FAM3B: variants seen among roughly 807,000 people sequenced by gnomAD.
FAM3B encodes protein FAM3B.
A neutral mutation model predicts 28.4 loss-of-function variants in FAM3B; 29 were observed. That is an observed-to-expected ratio of 1.02 (90% confidence interval 0.76 to 1.39). The LOEUF is 1.39. Among genes scored for constraint, FAM3B ranks in the 40% most tolerant of loss-of-function variants. The pLI is 0.00. For missense variants in FAM3B, 266 were observed against 293.9 expected (o/e 0.91, Z 0.69); for synonymous variants, 91 against 103.0 (o/e 0.88, Z 0.71).
intron 2 of FAM3B, among the ~76,000 whole-genome samples, chr21:41,324,621 T>G (rs2088839880): frequency 6.6e-6 from 1 of 152,252 alleles, no homozygotes; most frequent in Admixed American, 6.5e-5. Flanking sequence ...GTCCATTTAT[T>G]TATTAATTCA....
chr21:41,330,407 A>G (rs1252047577), intron 2 of FAM3B, among the ~76,000 whole-genome samples: 1 of 152,206 alleles, frequency 6.6e-6, no homozygotes, highest in Non-Finnish European at 1.5e-5. Flanking sequence ...AGGGTTCTGT[A>G]CTATTTGTGG....
At chr21:41,335,484 G>C (rs1319729544) in intron 2 of FAM3B, among the ~76,000 whole-genome samples, 1 of 152,124 alleles carries the variant, frequency 6.6e-6, no homozygotes, top group East Asian at 1.9e-4. Flanking sequence ...GTTTAAAAGT[G>C]TGTGGCGCCT....
intron 6 of FAM3B, 45 bp downstream of exon 6, chr21:41,347,145 G>C (rs990516469): frequency 1.3e-6 from 2 of 1,568,974 alleles, no homozygotes; most frequent in East Asian, 2.2e-5. Context: ...AGAGAAGCCA[G>C]CTGGGGCAGA....
intron 5 of FAM3B, chr21:41,346,022 TAA>T (rs59394089): frequency 2.2e-3 from 446 of 200,950 alleles, no homozygotes; most frequent in South Asian, 3.6e-3. Context: ...GCCTTTTTTT[TAA>T]AAAAAAAAAA....
chr21:41,340,256 C>T (rs1381778519), intron 3 of FAM3B, among the ~76,000 whole-genome samples: 5 of 151,108 alleles, frequency 3.3e-5, no homozygotes, highest in East Asian at 2.0e-4. Context: ...CAGGTTCAAG[C>T]GCTTCTCCTG....
intron 5 of FAM3B, among the ~76,000 whole-genome samples, chr21:41,346,676 GT>G (rs559775653): frequency 2.1e-4 from 31 of 149,338 alleles, no homozygotes; most frequent in Middle Eastern, 3.4e-3. Flanking sequence ...TCTAAGGAGG[GT>G]TTTTTTTTTC....
chr21:41,319,338 T>A (rs1181018606), intron 1 of FAM3B: 1 of 152,180 alleles, frequency 6.6e-6, no homozygotes, highest in Non-Finnish European at 1.5e-5. Context: ...TAGGAGAAAG[T>A]TCACTAGCTT....
intron 7 of FAM3B, among the ~76,000 whole-genome samples, chr21:41,355,254 A>G (rs2089155234): frequency 6.6e-6 from 1 of 152,230 alleles, no homozygotes; most frequent in Admixed American, 6.5e-5. Context: ...ACTTTGGGAA[A>G]CATTCTGGCA....
intron 1 of FAM3B, among the ~76,000 whole-genome samples, chr21:41,317,403 T>A (rs1380263156): frequency 6.6e-6 from 1 of 152,168 alleles, no homozygotes; most frequent in East Asian, 1.9e-4. Flanking sequence ...GACTTGACAC[T>A]GTGGACGATT....
At chr21:41,333,872 G>T (rs1350317784) in intron 2 of FAM3B, among the ~76,000 whole-genome samples, 1 of 152,170 alleles carries the variant, frequency 6.6e-6, no homozygotes, top group East Asian at 1.9e-4. Flanking sequence ...GAGATGGATG[G>T]TGAAGGCCAG....
intron 2 of FAM3B, among the ~76,000 whole-genome samples, chr21:41,324,881 C>A (rs558094669): frequency 3.0e-4 from 46 of 152,300 alleles, no homozygotes; most frequent in African/African-American, 1.1e-3. Flanking sequence ...GCGGGCACAT[C>A]ACCTGAGGTC....
At chr21:41,330,124 G>T in intron 2 of FAM3B, among the ~76,000 whole-genome samples, 2 of 105,288 alleles carry the variant, frequency 1.9e-5, no homozygotes, top group South Asian at 3.9e-4. Flanking sequence ...TCATAGTTAT[G>T]TCTGTATAGG....
At chr21:41,350,033 C>T (rs1252702930) in intron 7 of FAM3B, among the ~76,000 whole-genome samples, 1 of 152,210 alleles carries the variant, frequency 6.6e-6, no homozygotes, top group East Asian at 1.9e-4. Flanking sequence ...ATTGGTGGGG[C>T]TCCTTGGGCC....
At chr21:41,331,033 T>C (rs2088902170) in intron 2 of FAM3B, among the ~76,000 whole-genome samples, 1 of 152,212 alleles carries the variant, frequency 6.6e-6, no homozygotes, top group South Asian at 2.1e-4. Flanking sequence ...TCCATAATGG[T>C]TATACTAACC....
intron 2 of FAM3B, among the ~76,000 whole-genome samples, chr21:41,335,467 C>T (rs1026341505): frequency 1.1e-4 from 16 of 152,214 alleles, no homozygotes; most frequent in Admixed American, 3.3e-4. Context: ...TTTCATGAGA[C>T]GTGGTTGTTT....
intron 1 of FAM3B, among the ~76,000 whole-genome samples, chr21:41,310,979 G>A (rs1414215642): frequency 1.3e-5 from 2 of 151,552 alleles, no homozygotes; most frequent in East Asian, 3.9e-4. Context: ...TGTTAGTTTG[G>A]TGAGGAACCT....
intron 1 of FAM3B, among the ~76,000 whole-genome samples, chr21:41,322,397 G>A (rs897393696): frequency 2.6e-5 from 4 of 152,240 alleles, no homozygotes; most frequent in Middle Eastern, 3.4e-3. Flanking sequence ...CCAGTATTAC[G>A]GGGCCAGGCC....
At chr21:41,312,870 G>A (rs905362870), upstream of FAM3B, among the ~76,000 whole-genome samples, 8 of 152,206 alleles carry the variant, frequency 5.3e-5, no homozygotes, top group Admixed American at 1.3e-4. Flanking sequence ...AGTTTGGAAT[G>A]ACCAGAGGCC....
upstream of FAM3B, among the ~76,000 whole-genome samples, chr21:41,315,686 C>T (rs1387974191): frequency 6.6e-6 from 1 of 152,088 alleles, no homozygotes; most frequent in Non-Finnish European, 1.5e-5. Context: ...CTGTGGAGAC[C>T]CCTGTCTTCT....
Sources: gnomAD v4.1 joint callset for allele counts (sites outside exome capture counted in the v4.1 genomes callset) on GRCh38, gnomAD v4.1.1 for gene constraint, MANE v1.5 for transcripts, NCBI Gene and HGNC (gene_info 2026-07-23, HGNC 2026-07-21) for gene names.